The following DLG2 variants were observed in gnomAD, a reference collection of about 807,000 sequenced individuals.
DLG2 encodes disks large homolog 2.
DLG2 carries 45 observed loss-of-function variants against 132.5 expected under a neutral mutation model. The observed-to-expected ratio is 0.34, with a 90% CI of 0.27 to 0.44. The LOEUF (loss-of-function observed/expected upper bound fraction) is 0.44, where lower values mean the gene tolerates loss of function less well. Ranked by LOEUF, DLG2 falls within the 20% of genes least tolerant of loss-of-function variation. The pLI is 1.00. For missense variants in DLG2, 1,045 were observed against 1,196.9 expected (o/e 0.87, Z 1.87); for synonymous variants, 424 against 419.6 (o/e 1.01, Z -0.13).
chr11:83,478,365 T>C (rs919028988), intron 22 of DLG2, among the ~76,000 whole-genome samples: 3 of 152,074 alleles, frequency 2.0e-5, no homozygotes, highest in African/African-American at 7.2e-5. Context: ...GATTCCATAT[T>C]TGCCCTACTA....
At chr11:84,314,689 A>G (rs1413420357) in intron 7 of DLG2, among the ~76,000 whole-genome samples, 2 of 151,910 alleles carry the variant, frequency 1.3e-5, no homozygotes, top group Non-Finnish European at 2.9e-5. Context: ...ATAGAACTCT[A>G]ATTTTTATAT....
At chr11:84,644,429 G>C (rs569770297) in intron 6 of DLG2, among the ~76,000 whole-genome samples, 2 of 152,204 alleles carry the variant, frequency 1.3e-5, no homozygotes, top group Non-Finnish European at 2.9e-5. Context: ...ATTGGAGGCC[G>C]GGCGCGGTGG....
At position 84,308,778 on chromosome 11, in the gene DLG2, G is replaced by C. The variant is rs190277519; in HGVS notation, c.520-57487C>G. Among the ~76,000 whole-genome samples, 1,446 of 152,308 alleles carry C rather than the reference G, an allele frequency of 9.5e-3. 17 individuals are homozygous for C. Among genetic ancestry groups the C allele is most frequent in the African/African-American group, 0.031 (1,286 of 41,586 alleles). On this transcript the variant is annotated intron_variant, in intron 7 of 27. Coordinates refer to ENST00000376104, the MANE Select transcript of DLG2 (RefSeq NM_001142699.3). ...GTACACCCTCCGCAGCCACTGGCCCGGGTGCTAAGCCCGTCATTGCCCGGG... is the reference window on the plus strand; with the variant it reads ...GTACACCCTCCGCAGCCACTGGCCCCGGTGCTAAGCCCGTCATTGCCCGGG...
At chr11:84,290,607 T>C (rs2097978741) in intron 7 of DLG2, among the ~76,000 whole-genome samples, 1 of 152,148 alleles carries the variant, frequency 6.6e-6, no homozygotes, top group East Asian at 1.9e-4. Context: ...ATTCTTCATG[T>C]ACTAGGTCTT....
intron 4 of DLG2, among the ~76,000 whole-genome samples, chr11:85,166,645 A>G (rs72945903): frequency 6.6e-6 from 1 of 151,182 alleles, no homozygotes; most frequent in Non-Finnish European, 1.5e-5. Flanking sequence ...CCTAGAATAT[A>G]AAAAAAAAGG....
intron 3 of DLG2, chr11:85,453,201 A>G (rs958482507): frequency 4.1e-5 from 15 of 368,202 alleles, no homozygotes; most frequent in Non-Finnish European, 7.2e-5. Context: ...AAAGGCCAAG[A>G]GGGAGATAAC....
intron 3 of DLG2, among the ~76,000 whole-genome samples, chr11:85,393,426 A>G (rs548191104): frequency 6.6e-6 from 1 of 152,300 alleles, no homozygotes; most frequent in Non-Finnish European, 1.5e-5. Context: ...TTAAAGAACT[A>G]AAAGTAAATC....
intron 6 of DLG2, among the ~76,000 whole-genome samples, chr11:84,810,097 G>GA (rs2076399848): frequency 6.6e-6 from 1 of 151,850 alleles, no homozygotes; most frequent in Non-Finnish European, 1.5e-5. Flanking sequence ...TTCATAAAAA[G>GA]AAAAAACTGA....
chr11:84,237,313 T>C (rs1453450325), intron 8 of DLG2, among the ~76,000 whole-genome samples: 1 of 152,134 alleles, frequency 6.6e-6, no homozygotes, highest in East Asian at 1.9e-4. Flanking sequence ...GCAAAAGTAT[T>C]AGCAATTTGC....
intron 3 of DLG2, among the ~76,000 whole-genome samples, chr11:85,348,500 G>A (rs963085073): frequency 3.9e-5 from 6 of 151,912 alleles, no homozygotes; most frequent in African/African-American, 1.5e-4. Context: ...TGGGATTACA[G>A]GCATGAGCCA....
chr11:85,418,611 C>T (rs191908860), intron 3 of DLG2, among the ~76,000 whole-genome samples: 5 of 152,206 alleles, frequency 3.3e-5, no homozygotes, highest in South Asian at 2.1e-4. Flanking sequence ...ACTTGATTTA[C>T]GAATCTCAGT....
intron 15 of DLG2, among the ~76,000 whole-genome samples, chr11:83,883,671 A>C (rs190982037): frequency 3.9e-5 from 6 of 152,220 alleles, no homozygotes; most frequent in Admixed American, 1.3e-4. Context: ...GTGTTTTAAC[A>C]CAGCGGGCAT....
rs555349622 is a variant in DLG2 at position 84,805,806 on chromosome 11, T to A, written c.358-271075A>T. 1.4e-3 allele frequency among the ~76,000 whole-genome samples: 218 copies of A among 152,104 alleles called. 1 individual carries two copies. The highest frequency in any genetic ancestry group is 4.9e-3 in the African/African-American group (205 of 41,546). On this transcript the variant is annotated intron_variant, in intron 6 of 27. Transcript: ENST00000376104. ...CATGAGACATTCAAACATTTTTTTT[T>A]AAATAAATTACCAAGTCTCAGGTAT... is the stretch of plus-strand genomic sequence containing the variant.
chr11:85,072,443 G>C (rs2065995425), intron 6 of DLG2, among the ~76,000 whole-genome samples: 2 of 151,810 alleles, frequency 1.3e-5, no homozygotes. Flanking sequence ...AAACATTCTA[G>C]GTGATCCAAA....
chr11:85,471,753 T>C (rs376151640), intron 3 of DLG2, among the ~76,000 whole-genome samples: 2 of 151,890 alleles, frequency 1.3e-5, no homozygotes, highest in East Asian at 1.9e-4. Flanking sequence ...AGAAAGCAAA[T>C]AGCAACAATA....
intron 6 of DLG2, among the ~76,000 whole-genome samples, chr11:84,573,703 C>T (rs927585217): frequency 1.3e-5 from 2 of 152,134 alleles, no homozygotes; most frequent in Non-Finnish European, 2.9e-5. Context: ...AGCAAATATT[C>T]AGTTTCTATT....
intron 3 of DLG2, among the ~76,000 whole-genome samples, chr11:85,510,400 C>T (rs1367763265): frequency 1.3e-5 from 2 of 152,000 alleles, no homozygotes; most frequent in Non-Finnish European, 2.9e-5. Flanking sequence ...AGCTTCTGCA[C>T]AGCAAAAGAA....
intron 3 of DLG2, among the ~76,000 whole-genome samples, chr11:85,427,853 C>A (rs1047952890): frequency 2.0e-5 from 3 of 152,144 alleles, no homozygotes; most frequent in African/African-American, 4.8e-5. Flanking sequence ...AGAGTCAAGA[C>A]CCATCAGTGT....
chr11:84,336,731 C>A (rs1264736501), intron 7 of DLG2, among the ~76,000 whole-genome samples: 2 of 152,208 alleles, frequency 1.3e-5, no homozygotes, highest in Non-Finnish European at 2.9e-5. Context: ...CCAGTCTTCC[C>A]ACTCTAAAGT....
Sources: gnomAD v4.1 joint callset for allele counts (sites outside exome capture counted in the v4.1 genomes callset) on GRCh38, gnomAD v4.1.1 for gene constraint, MANE v1.5 for transcripts, NCBI Gene and HGNC (gene_info 2026-07-23, HGNC 2026-07-21) for gene names.